Variants in UCP2 observed in about 807,000 individuals in gnomAD.
UCP2 encodes the protein uncoupling protein 2.
UCP2 carries 27 observed loss-of-function variants against 31.3 expected under a neutral mutation model. The ratio of observed to expected loss-of-function variants is 0.86; its 90% CI spans 0.64 to 1.19. The LOEUF is 1.19. Ranked by LOEUF, UCP2 falls within the 50% of genes most tolerant of loss-of-function variation. The pLI, the probability that UCP2 is intolerant of heterozygous loss-of-function variation, is 0.00. For missense variants in UCP2, 377 were observed against 413.5 expected (o/e 0.91, Z 0.76); for synonymous variants, 142 against 157.4 (o/e 0.90, Z 0.73).
chr11:73,975,811 A>G, intron 6 of UCP2, 140 bp from the exon 7 acceptor site: 2 of 1,068,922 alleles, frequency 1.9e-6, no homozygotes, highest in Non-Finnish European at 2.7e-6. Context: ...CCTGTAATCC[A>G]GGACTTCTTT....
In UCP2 at chr11:73,978,497, G is replaced by A. The variant is rs1951400546; in HGVS notation, c.-99-20C>T. On this transcript the variant is annotated intron_variant, in intron 2 of 7. Coordinates refer to ENST00000663595, the MANE Select transcript of UCP2 (RefSeq NM_003355.3). Reference sequence around the variant, plus strand: ...CGGAATCTAAGCCAAGAGGAGAAAAGCCCCATTAGCCACAATGTCCCCAGG... The same window carrying A: ...CGGAATCTAAGCCAAGAGGAGAAAAACCCCATTAGCCACAATGTCCCCAGG... The A allele has an allele frequency of 1.4e-6, 2 of 1,441,950 alleles. No homozygotes were observed. The highest frequency in any genetic ancestry group is 2.4e-5 in the South Asian group (2 of 82,642). The allele number at this position is 1,441,950 out of a possible 1,614,324, so 89.3% of individuals were successfully genotyped here. A position where few individuals can be genotyped will look rare whatever the true frequency, so the allele number is the denominator to read the frequency against.
intron 4 of UCP2, 59 bp from the exon 5 acceptor site, chr11:73,977,076 T>C: frequency 6.6e-7 from 1 of 1,519,266 alleles, no homozygotes; most frequent in Non-Finnish European, 8.8e-7. Context: ...CTACCTCATC[T>C]CTCCTCACCA....
chr11:73,975,244 A>G, intron 7 of UCP2, 123 bp from the exon 8 acceptor site: 1 of 993,460 alleles, frequency 1.0e-6, no homozygotes, highest in Non-Finnish European at 1.6e-6. Flanking sequence ...CAATGAACTG[A>G]GCTCACAGCT....
Position 73,978,018 on chromosome 11 carries a change from T to C in UCP2, c.205A>G (p.Met69Val). The C allele has an allele frequency of 2.5e-6, 4 of 1,614,194 alleles. No homozygotes were observed. The highest frequency in any genetic ancestry group is 2.2e-5 in the South Asian group (2 of 91,086). ...CTTCGGGGGCCCTCAGTACGCACCA[T>C]GGTCAGAATGGTGCCCATCACACCG... is the stretch of plus-strand genomic sequence containing the variant. ...YRGVMGTILT[M>V]VRTEGPRSLY... Residue 69 changes from methionine to valine, a missense_variant, in exon 4 of 8, where the codon ATG (methionine) becomes GTG (valine). By Grantham distance (21) the Met-to-Val change is conservative (BLOSUM62 1). Coordinates refer to ENST00000663595, the MANE Select transcript of UCP2 (RefSeq NM_003355.3).
chr11:73,976,579 C>G (rs957558629), intron 6 of UCP2, 62 bp downstream of exon 6: 5 of 1,353,258 alleles, frequency 3.7e-6, no homozygotes, highest in Admixed American at 3.4e-5. Context: ...CAGCTAGACC[C>G]CCGCACCTGC....
intron 4 of UCP2, among the ~76,000 whole-genome samples, chr11:73,977,530 G>C (rs1043015064): frequency 6.6e-6 from 1 of 152,208 alleles, no homozygotes; most frequent in African/African-American, 2.4e-5. Context: ...TGGCCTTAGA[G>C]ACGAGTGTCC....
In UCP2 at chr11:73,975,017, G is replaced by A. The variant is rs1951317386; in HGVS notation, c.920C>T (p.Ala307Val). 1.9e-6 allele frequency: 3 copies of A among 1,601,784 alleles called. No homozygotes were observed. The highest frequency in any genetic ancestry group is 2.6e-6 in the Non-Finnish European group (3 of 1,173,912). The change falls in exon 8 of 8, where the codon GCT becomes GTT. Residue 307 changes from alanine to valine, a missense_variant. Transcript: ENST00000663595. ...AGCAGCAGGAGAGGCTCAGAAGGGAGCCTCTCGGGAAGTGCAGGCAGCCAT... is the reference window on the plus strand; with the variant it reads ...AGCAGCAGGAGAGGCTCAGAAGGGAACCTCTCGGGAAGTGCAGGCAGCCAT... Reference protein sequence around the residue: ...ALMAACTSREAPF With the variant: ...ALMAACTSREVPF
chr11:73,976,785 G>A, intron 5 of UCP2, 38 bp downstream of exon 5: 2 of 1,614,220 alleles, frequency 1.2e-6, no homozygotes, highest in Non-Finnish European at 1.7e-6. Context: ...GAGTATCGGG[G>A]AGGAGGAAAA....
intron 2 of UCP2, 22 bp from the exon 3 acceptor site, chr11:73,978,499 C>T: frequency 1.4e-6 from 2 of 1,443,870 alleles, no homozygotes; most frequent in Non-Finnish European, 9.4e-7. Context: ...GGAGAAAAGC[C>T]CCATTAGCCA....
rs557504717 is a variant in UCP2, at chr11:73,978,473, G to A, written c.-95C>T. On this transcript the variant is annotated 5_prime_UTR_variant, in exon 3 of 8. Transcript: ENST00000663595. ...CAAGACGAGATAGAGGAACTCTGCC[G>A]GAATCTAAGCCAAGAGGAGAAAAGC... 1.5e-4 allele frequency: 233 copies of A among 1,559,160 alleles called. 1 individual carries two copies. The South Asian group carries it at 1.9e-3, about 13-fold the overall frequency.
Position 73,974,789 on chromosome 11 carries a change from G to A in UCP2, c.*218C>T. 1 of 357,450 alleles carries A rather than the reference G, an allele frequency of 2.8e-6. No individual in the cohort carries two copies. The highest frequency in any genetic ancestry group is 5.3e-6 in the Non-Finnish European group (1 of 190,260). 22.1% of individuals were successfully genotyped at this position (357,450 alleles called of 1,614,324 possible). A position where few individuals can be genotyped will look rare whatever the true frequency, so the allele number is the denominator to read the frequency against. On this transcript the variant is annotated 3_prime_UTR_variant, in exon 8 of 8. Coordinates refer to ENST00000663595, the MANE Select transcript of UCP2 (RefSeq NM_003355.3). ...ACGCTTGGGATCCTGGCTGGTACGA[G>A]GCCTCCCACACTGTCAAATGTCAAC...
chr11:73,974,771 G>C lies in UCP2; in HGVS notation c.*236C>G, dbSNP rs1224861739. ...AACTTTCCAAGGGACGGGACGCTTG[G>C]GATCCTGGCTGGTACGAGGCCTCCC... is the stretch of plus-strand genomic sequence containing the variant. On this transcript the variant is annotated 3_prime_UTR_variant, in exon 8 of 8. Coordinates refer to ENST00000663595, the MANE Select transcript of UCP2 (RefSeq NM_003355.3). 2 of 364,924 alleles carry C rather than the reference G, an allele frequency of 5.5e-6. No homozygotes were observed. The highest frequency in any genetic ancestry group is 1.0e-5 in the Non-Finnish European group (2 of 195,046). The allele number at this position is 364,924 out of a possible 1,614,324, so 22.6% of individuals were successfully genotyped here.
chr11:73,974,899 A>C lies in UCP2; in HGVS notation c.*108T>G. The stretch of plus-strand genomic sequence containing the variant: ...AAGGAGCGGAAGGAAGAGGTGGGGA[A>C]AGAGGGAAGGAGAGAAGGGAAGGAG... On this transcript the variant is annotated 3_prime_UTR_variant, in exon 8 of 8. Transcript: ENST00000663595. 2.1e-6 allele frequency: 2 copies of C among 947,862 alleles called. No homozygotes were observed. The highest frequency in any genetic ancestry group is 1.7e-5 in the African/African-American group (1 of 59,334). 58.7% of individuals were successfully genotyped at this position (947,862 alleles called of 1,614,324 possible).
intron 4 of UCP2, 104 bp downstream of exon 4, chr11:73,977,782 C>T: frequency 6.8e-7 from 1 of 1,480,006 alleles, no homozygotes; most frequent in Non-Finnish European, 9.3e-7. Flanking sequence ...CCCTGATCTT[C>T]CTAGGGATCG....
chr11:73,978,412 A>G lies in UCP2; in HGVS notation c.-34T>C. The G allele has an allele frequency of 1.2e-6, 2 of 1,613,862 alleles. No individual in the cohort carries two copies. Among genetic ancestry groups the G allele is most frequent in the Non-Finnish European group, 1.7e-6 (2 of 1,179,948 alleles). ...TTTCCTGCTACGTCCCAGGAGATGG[A>G]GAAAAACTGGAGACAGGGGCACCTT... On this transcript the variant is annotated 5_prime_UTR_variant, in exon 3 of 8. Coordinates refer to ENST00000663595, the MANE Select transcript of UCP2 (RefSeq NM_003355.3).
In UCP2 at chr11:73,978,275, T is replaced by C. The variant is rs756953904; in HGVS notation, c.104A>G (p.Asp35Gly). Residue 35 changes from aspartate to glycine, a missense_variant, in exon 3 of 8, where the codon GAT (aspartate) becomes GGT (glycine). Physicochemically the swap from Asp to Gly is moderately conservative, Grantham distance 94 (BLOSUM62 -1). Transcript: ENST00000663595. ...CIADLITFPL[D>G]TAKVRLQIQG... ...CACCTGTAACCGGACTTTAGCAGTA[T>C]CCAGAGGAAAGGTGATGAGATCTGC... 18 of 1,613,984 alleles carry C rather than the reference T, an allele frequency of 1.1e-5. No individual in the cohort carries two copies. Among genetic ancestry groups the C allele is most frequent in the African/African-American group, 5.3e-5 (4 of 74,894 alleles).
At chr11:73,982,879 C>A (rs1224654037), upstream of UCP2, 1 of 139,088 alleles carries the variant, frequency 7.2e-6, no homozygotes, top group African/African-American at 2.6e-5. Context: ...GCTTAAGCCT[C>A]GGGGGCGGGG....
Position 73,978,247 on chromosome 11 carries a change from C to T in UCP2, c.126+6G>A. Reference sequence around the variant, plus strand: ...CCATCAAGACTCCCAGGCTTCATCCCCTCACCTGTAACCGGACTTTAGCAG... The same window carrying T: ...CCATCAAGACTCCCAGGCTTCATCCTCTCACCTGTAACCGGACTTTAGCAG... On this transcript the variant is annotated splice_donor_region_variant and intron_variant, in intron 3 of 7. Transcript: ENST00000663595. 2 of 1,614,112 alleles carry T rather than the reference C, an allele frequency of 1.2e-6. No individual in the cohort carries two copies. Among genetic ancestry groups the T allele is most frequent in the East Asian group, 2.2e-5 (1 of 44,880 alleles).
intron 7 of UCP2, 41 bp downstream of exon 7, chr11:73,975,450 G>A (rs1236099838): frequency 1.3e-5 from 20 of 1,580,954 alleles, no homozygotes; most frequent in Non-Finnish European, 1.7e-5. Context: ...GACATGCATA[G>A]CCAAGAGGCC....
Sources: allele counts gnomAD v4.1 joint callset (sites outside exome capture counted in the v4.1 genomes callset), GRCh38; gene constraint gnomAD v4.1.1; transcripts MANE v1.5; gene names NCBI Gene and HGNC (gene_info 2026-07-23, HGNC 2026-07-21).